CREB5: variants seen among roughly 807,000 people sequenced by gnomAD.
CREB5 encodes the protein cyclic AMP-responsive element-binding protein 5.
In CREB5, 19 loss-of-function variants were observed where a neutral mutation model predicts 57.1. That is an observed-to-expected ratio of 0.33 (90% confidence interval 0.23 to 0.49). The LOEUF (loss-of-function observed/expected upper bound fraction) is 0.49, where lower values mean the gene tolerates loss of function less well. Among genes scored for constraint, CREB5 ranks in the 20% least tolerant of loss-of-function variants. The pLI is 0.99. For missense variants in CREB5, 579 were observed against 671.6 expected, an observed-to-expected ratio of 0.86 and a Z score of 1.52; for synonymous variants, 238 against 238.3, an observed-to-expected ratio of 1.00 and a Z score of 0.01.
chr7:28,563,505 G>A (rs1795358206), intron 4 of CREB5, among the ~76,000 whole-genome samples: 1 of 152,118 alleles, frequency 6.6e-6, no homozygotes, highest in African/African-American at 2.4e-5. Context: ...GAGTTAAGTA[G>A]CAAACTGAAA....
At chr7:28,310,171 G>T (rs892872545) in intron 1 of CREB5, among the ~76,000 whole-genome samples, 2 of 152,168 alleles carry the variant, frequency 1.3e-5, no homozygotes, top group African/African-American at 4.8e-5. Flanking sequence ...TGTCCTTGCG[G>T]ATGGAGAAAG....
chr7:28,500,325 C>T (rs1792225931), intron 3 of CREB5, among the ~76,000 whole-genome samples: 1 of 152,102 alleles, frequency 6.6e-6, no homozygotes, highest in South Asian at 2.1e-4. Flanking sequence ...TCTCCCTGAC[C>T]GCTGGATGTG....
intron 5 of CREB5, among the ~76,000 whole-genome samples, chr7:28,717,308 A>G (rs990199241): frequency 5.9e-5 from 9 of 151,988 alleles, no homozygotes; most frequent in African/African-American, 2.2e-4. Flanking sequence ...ATATTTTCAT[A>G]TATACACCTA....
intron 5 of CREB5, among the ~76,000 whole-genome samples, chr7:28,665,589 GA>G (rs1475563112): frequency 5.3e-5 from 8 of 152,144 alleles, no homozygotes; most frequent in African/African-American, 1.9e-4. Context: ...AAAGTAGGGG[GA>G]AAAACAGACA....
At chr7:28,421,254 C>T (rs1393257602) in intron 1 of CREB5, among the ~76,000 whole-genome samples, 4 of 152,144 alleles carry the variant, frequency 2.6e-5, no homozygotes, top group Admixed American at 2.0e-4. Flanking sequence ...TTTGGTTTTC[C>T]ATTTCTGAGT....
At chr7:28,312,435 G>C (rs1258887664) in intron 1 of CREB5, among the ~76,000 whole-genome samples, 1 of 152,190 alleles carries the variant, frequency 6.6e-6, no homozygotes, top group Non-Finnish European at 1.5e-5. Context: ...AGCTGAGGGG[G>C]CTCAGTGACA....
At chr7:28,525,497 T>C (rs1435712264) in intron 4 of CREB5, among the ~76,000 whole-genome samples, 1 of 152,264 alleles carries the variant, frequency 6.6e-6, no homozygotes, top group East Asian at 1.9e-4. Flanking sequence ...TTATTATTAT[T>C]ATTATTATTT....
intron 5 of CREB5, among the ~76,000 whole-genome samples, chr7:28,594,836 C>A (rs920530004): frequency 6.6e-6 from 1 of 152,176 alleles, no homozygotes; most frequent in Non-Finnish European, 1.5e-5. Flanking sequence ...AACCCCTTGA[C>A]TTCAAAGGAG....
chr7:28,720,975 C>T (rs912832460), intron 6 of CREB5, among the ~76,000 whole-genome samples: 5 of 152,160 alleles, frequency 3.3e-5, no homozygotes, highest in African/African-American at 1.2e-4. Context: ...CCAGTTTCTA[C>T]CACATCATTT....
chr7:28,310,514 A>G (rs1785257438), intron 1 of CREB5, among the ~76,000 whole-genome samples: 1 of 152,226 alleles, frequency 6.6e-6, no homozygotes, highest in Admixed American at 6.5e-5. Flanking sequence ...AGTGGACTGG[A>G]CAAAGTCTAA....
chr7:28,588,232 G>A (rs1057352909), intron 5 of CREB5, among the ~76,000 whole-genome samples: 6 of 152,136 alleles, frequency 3.9e-5, no homozygotes, highest in Non-Finnish European at 8.8e-5. Flanking sequence ...CTTGAATACA[G>A]TATGTAGGAC....
chr7:28,433,764 G>T (rs767659508), intron 1 of CREB5, among the ~76,000 whole-genome samples: 3 of 151,934 alleles, frequency 2.0e-5, no homozygotes, highest in Non-Finnish European at 4.4e-5. Context: ...TTCATTACTT[G>T]TGGTTGATTT....
intron 5 of CREB5, among the ~76,000 whole-genome samples, chr7:28,642,565 T>G (rs1013439327): frequency 3.3e-5 from 5 of 152,204 alleles, no homozygotes; most frequent in Non-Finnish European, 7.3e-5. Context: ...TGTTAATGCT[T>G]TAATACGATT....
At chr7:28,416,331 A>G (rs1196155326) in intron 1 of CREB5, among the ~76,000 whole-genome samples, 4 of 152,220 alleles carry the variant, frequency 2.6e-5, no homozygotes, top group African/African-American at 9.7e-5. Context: ...GGGGAAAAAT[A>G]CATGCAACAA....
chr7:28,528,762 T>C (rs1398902121), intron 4 of CREB5, among the ~76,000 whole-genome samples: 1 of 75,028 alleles, frequency 1.3e-5, no homozygotes, highest in Non-Finnish European at 2.6e-5. Flanking sequence ...CCTTAACCAA[T>C]GTTTTAGGTT....
chr7:28,489,398 C>CGG, intron 2 of CREB5, among the ~76,000 whole-genome samples: 1 of 144,284 alleles, frequency 6.9e-6, no homozygotes, highest in East Asian at 2.1e-4. Flanking sequence ...CTCCCGGGTT[C>CGG]ATGCCATTCT....
chr7:28,410,253 C>G, upstream of CREB5: 1 of 455,306 alleles, frequency 2.2e-6, no homozygotes, highest in Non-Finnish European at 4.4e-6. Flanking sequence ...CGCTCCAGTC[C>G]ACTCCTCCGG....
intron 4 of CREB5, among the ~76,000 whole-genome samples, chr7:28,562,178 C>G (rs1795300223): frequency 6.6e-6 from 1 of 152,134 alleles, no homozygotes; most frequent in African/African-American, 2.4e-5. Context: ...TCCTTTTAAC[C>G]CATATGATTA....
intron 1 of CREB5, among the ~76,000 whole-genome samples, chr7:28,331,485 T>C (rs1469821830): frequency 6.6e-6 from 1 of 152,166 alleles, no homozygotes; most frequent in Non-Finnish European, 1.5e-5. Context: ...ATGCATGGTC[T>C]AATGGGAACT....
Sources: allele counts gnomAD v4.1 joint callset (sites outside exome capture counted in the v4.1 genomes callset), GRCh38; gene constraint gnomAD v4.1.1; transcripts MANE v1.5; gene names NCBI Gene and HGNC (gene_info 2026-07-23, HGNC 2026-07-21).